CSMD3: variants seen among roughly 807,000 people sequenced by gnomAD.
The protein encoded by CSMD3 is CUB and Sushi multiple domains 3.
In CSMD3, 177 loss-of-function variants were observed where a neutral mutation model predicts 435.2. That is an observed-to-expected ratio of 0.41 (90% CI 0.36 to 0.46). CSMD3 has a LOEUF of 0.46. CSMD3 is among the 20% of genes least tolerant of loss of function. The pLI is 0.34. For missense variants in CSMD3, 4,265 were observed against 4,504.6 expected, an observed-to-expected ratio of 0.95 and a Z score of 1.52; for synonymous variants, 1,656 against 1,520.5, an observed-to-expected ratio of 1.09 and a Z score of -2.07.
intron 32 of CSMD3, among the ~76,000 whole-genome samples, chr8:112,434,151 A>G (rs2130430437): frequency 6.6e-6 from 1 of 152,228 alleles, no homozygotes; most frequent in African/African-American, 2.4e-5. Context: ...GTAAAATCTG[A>G]CAGATGTGAG....
At chr8:112,689,582 TA>T (rs1297751352) in intron 14 of CSMD3, among the ~76,000 whole-genome samples, 1 of 152,032 alleles carries the variant, frequency 6.6e-6, no homozygotes, top group Non-Finnish European at 1.5e-5. Context: ...ATAATTTCCA[TA>T]AGAAGTATGC....
intron 3 of CSMD3, among the ~76,000 whole-genome samples, chr8:113,225,834 C>T (rs928544540): frequency 6.6e-6 from 1 of 151,322 alleles, no homozygotes; most frequent in African/African-American, 2.4e-5. Flanking sequence ...ATGTCCCCAC[C>T]CAAATCTCAT....
At chr8:112,335,244 T>C (rs1206268130) in intron 45 of CSMD3, 85 bp downstream of exon 45, 1 of 1,305,678 alleles carries the variant, frequency 7.7e-7, no homozygotes, top group South Asian at 1.2e-5. Context: ...TTTTCAATCA[T>C]TGGTTAAATA....
intron 1 of CSMD3, among the ~76,000 whole-genome samples, chr8:113,373,064 T>C (rs2094357034): frequency 6.6e-6 from 1 of 152,170 alleles, no homozygotes. Context: ...TGTTTAAAAT[T>C]AGCGTTTTCA....
chr8:112,837,861 A>G (rs1587440648), intron 11 of CSMD3, among the ~76,000 whole-genome samples: 1 of 151,830 alleles, frequency 6.6e-6, no homozygotes. Flanking sequence ...ATCAGAATGC[A>G]TTATATATGT....
chr8:113,186,775 G>A (rs563631025), intron 3 of CSMD3, among the ~76,000 whole-genome samples: 2 of 152,068 alleles, frequency 1.3e-5, no homozygotes, highest in South Asian at 2.1e-4. Context: ...TTTATTTAAC[G>A]TTCCACAGCA....
At chr8:112,751,873 T>C (rs2099143752) in intron 13 of CSMD3, among the ~76,000 whole-genome samples, 2 of 152,170 alleles carry the variant, frequency 1.3e-5, no homozygotes, top group Non-Finnish European at 1.5e-5. Flanking sequence ...GTTTGTTACA[T>C]AGGTAAACGT....
chr8:113,289,115 A>C (rs2093666375), intron 2 of CSMD3, among the ~76,000 whole-genome samples: 2 of 32,016 alleles, frequency 6.2e-5, no homozygotes, highest in African/African-American at 2.1e-4. Flanking sequence ...TCAGTGGCAA[A>C]ATGTAGATGA....
At chr8:112,623,023 C>T (rs1358972895) in intron 22 of CSMD3, among the ~76,000 whole-genome samples, 1 of 152,058 alleles carries the variant, frequency 6.6e-6, no homozygotes, top group Non-Finnish European at 1.5e-5. Flanking sequence ...TACAGGGCTG[C>T]TGTTCATTAC....
chr8:112,512,204 C>A (rs1352020156), intron 28 of CSMD3, among the ~76,000 whole-genome samples: 1 of 152,180 alleles, frequency 6.6e-6, no homozygotes, highest in Non-Finnish European at 1.5e-5. Flanking sequence ...ATTGTAAATT[C>A]TTTCCAGAAG....
intron 27 of CSMD3, among the ~76,000 whole-genome samples, chr8:112,549,370 T>A (rs1827474575): frequency 6.6e-6 from 1 of 152,006 alleles, no homozygotes; most frequent in South Asian, 2.1e-4. Flanking sequence ...TTTATTCCAT[T>A]TTCTCAAAAT....
At chr8:112,249,150 A>G (rs1247255220) in intron 63 of CSMD3, among the ~76,000 whole-genome samples, 1 of 152,078 alleles carries the variant, frequency 6.6e-6, no homozygotes, top group Non-Finnish European at 1.5e-5. Flanking sequence ...TAAGGTTAGA[A>G]CCCAGTTAAT....
chr8:112,241,146 T>C (rs1253255386), intron 66 of CSMD3, among the ~76,000 whole-genome samples: 1 of 152,008 alleles, frequency 6.6e-6, no homozygotes, highest in Non-Finnish European at 1.5e-5. Context: ...AATTATTATT[T>C]CTTTTGGATA....
chr8:113,217,814 A>C (rs2132113000), intron 3 of CSMD3, among the ~76,000 whole-genome samples: 1 of 151,524 alleles, frequency 6.6e-6, no homozygotes. Context: ...TGATGGCCCA[A>C]ATACTACTAA....
intron 31 of CSMD3, among the ~76,000 whole-genome samples, chr8:112,489,692 T>A (rs973134): frequency 0.089 from 13,615 of 152,166 alleles, 636 homozygotes; most frequent in South Asian, 0.12. Context: ...CAGACTTTTT[T>A]AAAAAATTCA....
At chr8:112,235,810 C>T (rs1301083442) in intron 67 of CSMD3, among the ~76,000 whole-genome samples, 1 of 151,994 alleles carries the variant, frequency 6.6e-6, no homozygotes, top group Non-Finnish European at 1.5e-5. Flanking sequence ...TGAAAAATTG[C>T]TACAATTGGT....
chr8:112,803,228 T>C (rs1274042446), intron 12 of CSMD3, among the ~76,000 whole-genome samples: 1 of 152,234 alleles, frequency 6.6e-6, no homozygotes, highest in Non-Finnish European at 1.5e-5. Flanking sequence ...ATCTCTGCTC[T>C]TTCTGCATCC....
At chr8:112,235,860 C>A (rs1180537495) in intron 67 of CSMD3, among the ~76,000 whole-genome samples, 1 of 151,928 alleles carries the variant, frequency 6.6e-6, no homozygotes, top group African/African-American at 2.4e-5. Context: ...TAATCTAATT[C>A]TTTGTCTTTC....
At chr8:112,416,355 G>T (rs928704539) in intron 32 of CSMD3, among the ~76,000 whole-genome samples, 48 of 152,148 alleles carry the variant, frequency 3.2e-4, no homozygotes, top group African/African-American at 1.1e-3. Context: ...TACCATGATT[G>T]TAAGTTTCCT....
Sources: allele counts gnomAD v4.1 joint callset (sites outside exome capture counted in the v4.1 genomes callset), GRCh38; gene constraint gnomAD v4.1.1; transcripts MANE v1.5; gene names NCBI Gene and HGNC (gene_info 2026-07-23, HGNC 2026-07-21).